The following BZW1 variants were observed in gnomAD, a reference collection of about 807,000 sequenced individuals.
BZW1 encodes eIF5-mimic protein 2.
In BZW1, 3 loss-of-function variants were observed where a neutral mutation model predicts 54.1. The observed-to-expected ratio is 0.06, with a 90% CI of 0.03 to 0.14. The LOEUF is 0.14. BZW1 is among the 10% of genes least tolerant of loss of function. The pLI is 1.00. For synonymous variants in BZW1, 152 were observed against 162.7 expected, an observed-to-expected ratio of 0.93 and a Z score of 0.50; for missense variants, 206 against 491.7, an observed-to-expected ratio of 0.42 and a Z score of 5.50.
In BZW1 at chr2:200,819,070, T is replaced by C. The variant is rs550433445; in HGVS notation, c.966+169T>C. 2.5e-4 allele frequency: 209 copies of C among 828,032 alleles called. 2 individuals are homozygous for C. In the East Asian group the frequency reaches 3.2e-3, roughly 13 times the overall value. The allele number at this position is 828,032 out of a possible 1,614,324, so 51.3% of individuals were successfully genotyped here. On this transcript the variant is annotated intron_variant, in intron 9 of 11. Coordinates refer to ENST00000409600, the MANE Select transcript of BZW1 (RefSeq NM_001207067.2). ...TAGCTATTGATGATAATGCTCTGAA[T>C]TGGGCTGTGGTTCACAGGTTAAAAA...
At chr2:200,811,641 C>G (rs1203184532), upstream of BZW1, 5 of 152,290 alleles carry the variant, frequency 3.3e-5, no homozygotes, top group African/African-American at 1.2e-4. Context: ...CTCTTCCAAC[C>G]CCTCCATGTG....
intron 9 of BZW1, 35 bp downstream of exon 9, chr2:200,818,936 C>G (rs976460601): frequency 7.9e-6 from 12 of 1,520,958 alleles, no homozygotes; most frequent in Non-Finnish European, 1.1e-5. Context: ...ACAAACTATT[C>G]TGCTTTCACG....
rs1559318436 is a variant in BZW1 at position 200,826,413 on chromosome 2, T to TAGATAGA, written c.*4235_*4236insAGATAGA. 1.2e-4 allele frequency: 5 copies of TAGATAGA among 40,088 alleles called. No individual in the cohort carries two copies. The highest frequency in any genetic ancestry group is 5.1e-4 in the African/African-American group (4 of 7,890). 2.5% of individuals were successfully genotyped at this position (40,088 alleles called of 1,614,324 possible). Reference sequence around the variant, plus strand: ...GATAGATAGATAGATAGATATTTTTTTTTTTTTTTTTTTTTTTTTTTTTTT... The same window carrying TAGATAGA: ...GATAGATAGATAGATAGATATTTTTTAGATAGATTTTTTTTTTTTTTTTTTTTTTTTT... On this transcript the variant is annotated 3_prime_UTR_variant, in exon 12 of 12. Transcript: ENST00000409600.
At chr2:200,814,301 A>T (rs1424936633) in intron 2 of BZW1, among the ~76,000 whole-genome samples, 1 of 152,192 alleles carries the variant, frequency 6.6e-6, no homozygotes, top group Non-Finnish European at 1.5e-5. Flanking sequence ...CCGGTTCCAG[A>T]TAGAGATGAT....
chr2:200,818,761 T>G lies in BZW1; in HGVS notation c.826T>G (p.Leu276Val). 6.3e-7 allele frequency: 1 copy of G among 1,579,106 alleles called. No individual in the cohort carries two copies. Among genetic ancestry groups the G allele is most frequent in the Non-Finnish European group, 8.5e-7 (1 of 1,171,470 alleles). The change falls in exon 9 of 12, where the codon TTA becomes GTA. Residue 276 changes from leucine (L) to valine (V), a missense_variant. Coordinates refer to ENST00000409600, the MANE Select transcript of BZW1 (RefSeq NM_001207067.2). ...SRGDPFKDIILYVKEEMKKNN... is the reference protein window; with the variant it reads ...SRGDPFKDIIVYVKEEMKKNN... ...AATTTGGATTCATTTGCAGATAATT[T>G]TATATGTCAAGGAGGAGATGAAAAA...
In BZW1 at chr2:200,826,389, A is replaced by ATAGATAGAT. The variant is rs2038690777; in HGVS notation, c.*4212_*4220dup. 8.9e-6 allele frequency: 1 copy of ATAGATAGAT among 111,756 alleles called. No homozygotes were observed. The highest frequency in any genetic ancestry group is 3.7e-5 in the African/African-American group (1 of 26,984). 6.9% of individuals were successfully genotyped at this position (111,756 alleles called of 1,614,324 possible). A position where few individuals can be genotyped will look rare whatever the true frequency, so the allele number is the denominator to read the frequency against. ...GATGAAGATATAGATAGATAGATAG[A>ATAGATAGAT]TAGATAGATAGATAGATATTTTTTT... On this transcript the variant is annotated 3_prime_UTR_variant, in exon 12 of 12. Coordinates refer to ENST00000409600, the MANE Select transcript of BZW1 (RefSeq NM_001207067.2).
chr2:200,812,112 T>A, intron 1 of BZW1, 122 bp downstream of exon 1: 1 of 766,676 alleles, frequency 1.3e-6, no homozygotes. Flanking sequence ...GGAGGTCGCC[T>A]CTTGAGGCCG....
chr2:200,816,432 G>A (rs966799312), intron 5 of BZW1, 42 bp downstream of exon 5: 1 of 1,353,114 alleles, frequency 7.4e-7, no homozygotes, highest in Admixed American at 2.0e-5. Context: ...AAAAAATAGG[G>A]TTAGAAAGAG....
intron 2 of BZW1, among the ~76,000 whole-genome samples, chr2:200,813,937 TGAA>T (rs1393495394): frequency 2.0e-5 from 3 of 152,334 alleles, no homozygotes; most frequent in South Asian, 4.1e-4. Context: ...TTTGAGGAAA[TGAA>T]GAACTAGGTC....
At position 200,817,177 on chromosome 2, in the gene BZW1, G is replaced by A. The variant is rs1425831034; in HGVS notation, c.474G>A (p.Leu158=). The A allele has an allele frequency of 6.2e-7, 1 of 1,613,628 alleles. No homozygotes were observed. Among genetic ancestry groups the A allele is most frequent in the African/African-American group, 1.3e-5 (1 of 74,898 alleles). Residue 158 remains leucine, a synonymous_variant, in exon 6 of 12, where the codon CTG becomes CTA. Transcript: ENST00000409600. ...NKLAMLTGVL[L]ANGTLNASIL... is the part of the protein sequence containing the mutation. ...TAGCTATGTTGACTGGTGTTCTTCT[G>A]GCTAATGGAACACTTAATGCATCCA...
intron 8 of BZW1, among the ~76,000 whole-genome samples, 155 bp from the exon 9 acceptor site, chr2:200,818,600 C>T (rs1421200710): frequency 6.6e-6 from 1 of 152,174 alleles, no homozygotes; most frequent in African/African-American, 2.4e-5. Flanking sequence ...GGGCACCTTT[C>T]AGTTGTAAAG....
chr2:200,814,874 A>C (rs1001880456), intron 2 of BZW1, among the ~76,000 whole-genome samples: 4 of 152,374 alleles, frequency 2.6e-5, no homozygotes, highest in Middle Eastern at 6.8e-3. Context: ...TGCTTAATAT[A>C]GTTTCTGTCA....
chr2:200,812,565 G>C (rs2038114590), intron 1 of BZW1: 1 of 1,411,402 alleles, frequency 7.1e-7, no homozygotes, highest in Non-Finnish European at 9.2e-7. Flanking sequence ...CGGGAAGCGG[G>C]TGATCTGTGG....
rs567095119 is a variant in BZW1, at chr2:200,818,348, G to A, written c.774G>A (p.Gln258=). 1.2e-6 allele frequency: 2 copies of A among 1,601,890 alleles called. No homozygotes were observed. The highest frequency in any genetic ancestry group is 2.7e-5 in the African/African-American group (2 of 73,918). The change falls in exon 8 of 12, where the codon CAG becomes CAA. Residue 258 remains glutamine (Q), a synonymous_variant. Transcript: ENST00000409600. ...CCATCGGAGCTCGTAAGGAGCTCCA[G>A]AAAGAACTTCAAGAACAGATGTCCC... ...QQTIGARKEL[Q]KELQEQMSRG...
At position 200,826,417 on chromosome 2, in the gene BZW1, T is replaced by TGATAGA; in HGVS notation, c.*4239_*4240insGATAGA. On this transcript the variant is annotated 3_prime_UTR_variant, in exon 12 of 12. Coordinates refer to ENST00000409600, the MANE Select transcript of BZW1 (RefSeq NM_001207067.2). ...GATAGATAGATAGATATTTTTTTTTTTTTTTTTTTTTTTTTTTTTTTTTTT... is the reference window on the plus strand; with the variant it reads ...GATAGATAGATAGATATTTTTTTTTTGATAGATTTTTTTTTTTTTTTTTTTTTTTTT... 2.8e-4 allele frequency: 15 copies of TGATAGA among 53,506 alleles called. No individual in the cohort carries two copies. Among genetic ancestry groups the TGATAGA allele is most frequent in the Admixed American group, 2.2e-3 (11 of 4,920 alleles). The allele number at this position is 53,506 out of a possible 1,614,324, so 3.3% of individuals were successfully genotyped here.
In BZW1 at chr2:200,826,404, G is replaced by GATAGATAGATAGAT. The variant is rs1478189638; in HGVS notation, c.*4229_*4230insGATAGATAGATATA. 5 of 55,748 alleles carry GATAGATAGATAGAT rather than the reference G, an allele frequency of 9.0e-5. No individual in the cohort carries two copies. The highest frequency in any genetic ancestry group is 2.4e-4 in the African/African-American group (3 of 12,646). The allele number at this position is 55,748 out of a possible 1,614,324, so 3.5% of individuals were successfully genotyped here. ...AGATAGATAGATAGATAGATAGATA[G>GATAGATAGATAGAT]ATATTTTTTTTTTTTTTTTTTTTTT... On this transcript the variant is annotated 3_prime_UTR_variant, in exon 12 of 12. Transcript: ENST00000409600.
At position 200,826,232 on chromosome 2, in the gene BZW1, A is replaced by T. The variant is rs2038684909; in HGVS notation, c.*4054A>T. On this transcript the variant is annotated 3_prime_UTR_variant, in exon 12 of 12. Coordinates refer to ENST00000409600, the MANE Select transcript of BZW1 (RefSeq NM_001207067.2). ...AAGGCTTTCTGACTCCTTTCTCTTC[A>T]CTTTTTTCTCCCAGCTTAACTAGAG... The T allele has an allele frequency of 6.6e-6, 1 of 152,012 alleles. No homozygotes were observed. Among genetic ancestry groups the T allele is most frequent in the East Asian group, 1.9e-4 (1 of 5,188 alleles). The allele number at this position is 152,012 out of a possible 1,614,324, so 9.4% of individuals were successfully genotyped here. A position where few individuals can be genotyped will look rare whatever the true frequency, so the allele number is the denominator to read the frequency against.
At position 200,821,204 on chromosome 2, in the gene BZW1, C is replaced by A; in HGVS notation, c.1127C>A (p.Pro376His). ...CCAGCTGAAGTCCTGAGCGAGGAGC[C>A]CATTTTGAAGTGGTATAAAGATGCA... ...FYKAEVLSEEPILKWYKDAHV... is the reference protein window; with the variant it reads ...FYKAEVLSEEHILKWYKDAHV... The change falls in exon 11 of 12, where the codon CCC becomes CAC. Residue 376 changes from proline (P) to histidine (H), a missense_variant. This residue lies in a region of BZW1 where 60 missense variants were observed against 151.8 expected (regional missense o/e 0.40). Transcript: ENST00000409600. 3 of 1,611,344 alleles carry A rather than the reference C, an allele frequency of 1.9e-6. No homozygotes were observed. Among genetic ancestry groups the A allele is most frequent in the Non-Finnish European group, 2.5e-6 (3 of 1,179,360 alleles).
intron 1 of BZW1, chr2:200,812,496 C>A: frequency 1.5e-6 from 2 of 1,374,246 alleles, no homozygotes; most frequent in South Asian, 3.5e-5. Flanking sequence ...GCGACAGGGT[C>A]AGTGGAGAAA....
Sources: allele counts gnomAD v4.1 joint callset (sites outside exome capture counted in the v4.1 genomes callset), GRCh38; gene constraint gnomAD v4.1.1; regional missense constraint gnomAD v4.1.1; transcripts MANE v1.5; gene names NCBI Gene and HGNC (gene_info 2026-07-23, HGNC 2026-07-21).